ZBTB7B: variants seen among roughly 807,000 people sequenced by gnomAD.
The protein encoded by ZBTB7B is zinc finger and BTB domain-containing protein 7B.
A neutral mutation model predicts 31.0 loss-of-function variants in ZBTB7B; 8 were observed. The ratio of observed to expected loss-of-function variants is 0.26; its 90% CI spans 0.15 to 0.47. The LOEUF (loss-of-function observed/expected upper bound fraction) is 0.47, where lower values mean the gene tolerates loss of function less well. ZBTB7B is among the 20% of genes least tolerant of loss of function. ZBTB7B has a pLI of 0.99. For missense variants in ZBTB7B, 494 were observed against 742.4 expected, an observed-to-expected ratio of 0.67 and a Z score of 3.89; for synonymous variants, 261 against 307.3, an observed-to-expected ratio of 0.85 and a Z score of 1.58.
intron 1 of ZBTB7B, among the ~76,000 whole-genome samples, chr1:155,012,596 G>T (rs2102299565): frequency 6.6e-6 from 1 of 152,112 alleles, no homozygotes; most frequent in South Asian, 2.1e-4. Context: ...GAAGTGGTTT[G>T]CGGACTTACG....
In ZBTB7B at chr1:155,004,064, TG is replaced by T. The variant is rs1196480133; in HGVS notation, c.-7+1127del. Among the ~76,000 whole-genome samples, 4 of 151,584 alleles carry T rather than the reference TG, an allele frequency of 2.6e-5. No individual in the cohort carries two copies. Among genetic ancestry groups the T allele is most frequent in the African/African-American group, 9.7e-5 (4 of 41,300 alleles). ...GACATGGTGAGACCTCGGGGCGCCC[TG>T]GGGGGCAGGGGGGCGGGGAGCCTGG... On this transcript the variant is annotated intron_variant, in intron 1 of 2. Coordinates refer to ENST00000535420, the MANE Select transcript of ZBTB7B (RefSeq NM_001256455.2). The surrounding 1 kb of genome is among the most constrained non-coding windows in gnomAD (Gnocchi z 4.0).
chr1:155,015,891 G>A lies in ZBTB7B; in HGVS notation c.1154+77G>A, dbSNP rs1034065068. 8.5e-6 allele frequency: 13 copies of A among 1,527,826 alleles called. No homozygotes were observed. The South Asian group carries it at 1.5e-4, about 18-fold the overall frequency. The allele number at this position is 1,527,826 out of a possible 1,614,324, so 94.6% of individuals were successfully genotyped here. A position where few individuals can be genotyped will look rare whatever the true frequency, so the allele number is the denominator to read the frequency against. On this transcript the variant is annotated intron_variant, in intron 2 of 2. Coordinates refer to ENST00000535420, the MANE Select transcript of ZBTB7B (RefSeq NM_001256455.2). The stretch of plus-strand genomic sequence containing the variant: ...GTGGGAGGAGATGGGGAAGAAGTTA[G>A]GAGACCCGAGGTGGTGGTAGGTGGT...
At chr1:155,002,336 G>A (rs572280428), upstream of ZBTB7B, among the ~76,000 whole-genome samples, 7 of 150,536 alleles carry the variant, frequency 4.7e-5, no homozygotes, top group South Asian at 2.1e-4. Context: ...GGAGAAAGGG[G>A]GGGGAGAGAG....
chr1:155,016,721 C>A lies in ZBTB7B; in HGVS notation c.*36C>A, dbSNP rs755681195. The A allele has an allele frequency of 8.0e-7, 1 of 1,243,556 alleles. No individual in the cohort carries two copies. The highest frequency in any genetic ancestry group is 2.5e-5 in the East Asian group (1 of 40,236). 77.0% of individuals were successfully genotyped at this position (1,243,556 alleles called of 1,614,324 possible). A position where few individuals can be genotyped will look rare whatever the true frequency, so the allele number is the denominator to read the frequency against. Reference sequence around the variant, plus strand: ...GGGCCAGACTGAAGCAGCACAAGGCCGGGGACACCCATGCCAAGCAGTGGG... The same window carrying A: ...GGGCCAGACTGAAGCAGCACAAGGCAGGGGACACCCATGCCAAGCAGTGGG... On this transcript the variant is annotated 3_prime_UTR_variant, in exon 3 of 3. Coordinates refer to ENST00000535420, the MANE Select transcript of ZBTB7B (RefSeq NM_001256455.2). This position sits in a 1 kb window ranked among gnomAD's most constrained non-coding sequence, Gnocchi z 4.3.
rs542279482 is a variant in ZBTB7B at position 155,004,562 on chromosome 1, AG to A, written c.-7+1621del. On this transcript the variant is annotated intron_variant, in intron 1 of 2. Coordinates refer to ENST00000535420, the MANE Select transcript of ZBTB7B (RefSeq NM_001256455.2). This position sits in a 1 kb window ranked among gnomAD's most constrained non-coding sequence, Gnocchi z 4.0. ...GGAGAGCTGGCATGGAGTGGACATC[AG>A]GTTGGGGAGGAGAGAGTGGGCATAA... 7.2e-4 allele frequency among the ~76,000 whole-genome samples: 110 copies of A among 152,186 alleles called. No homozygotes were observed. Among genetic ancestry groups the A allele is most frequent in the South Asian group, 6.8e-3 (33 of 4,828 alleles).
In ZBTB7B at chr1:155,015,262, G is replaced by C; in HGVS notation, c.602G>C (p.Ser201Thr). ...PPPPRPVARR[S>T]RKPRKAFLQT... ...CCACCTCGGCCTGTTGCCCGCCGCA[G>C]CCGCAAGCCCCGGAAAGCTTTCCTG... The change falls in exon 2 of 3, where the codon AGC (serine) becomes ACC (threonine). Residue 201 changes from serine (S) to threonine (T), a missense_variant. Physicochemically the swap from Ser to Thr is moderately conservative, Grantham distance 58. Around this residue, in one of 5 missense-constraint regions of ZBTB7B, gnomAD observed 216 missense variants for 229.3 expected, o/e 0.94. Transcript: ENST00000535420. The C allele has an allele frequency of 6.2e-7, 1 of 1,613,760 alleles. No individual in the cohort carries two copies. Among genetic ancestry groups the C allele is most frequent in the South Asian group, 1.1e-5 (1 of 91,052 alleles).
At chr1:155,012,143 G>A (rs984432024) in intron 1 of ZBTB7B, among the ~76,000 whole-genome samples, 2 of 152,152 alleles carry the variant, frequency 1.3e-5, no homozygotes, top group Non-Finnish European at 2.9e-5. Context: ...CGTGGTGAAC[G>A]AGCCTGAGCC....
chr1:155,016,149 G>C lies in ZBTB7B; in HGVS notation c.1155-71G>C. The C allele has an allele frequency of 2.0e-6, 3 of 1,505,258 alleles. No individual in the cohort carries two copies. Among genetic ancestry groups the C allele is most frequent in the Non-Finnish European group, 2.7e-6 (3 of 1,098,256 alleles). The allele number at this position is 1,505,258 out of a possible 1,614,324, so 93.2% of individuals were successfully genotyped here. A position where few individuals can be genotyped will look rare whatever the true frequency, so the allele number is the denominator to read the frequency against. ...GGAACAGGGATGGGACAAGGCCAGG[G>C]TGGGATGACCAGGAGGAGCCAGGGA... On this transcript the variant is annotated intron_variant, in intron 2 of 2. Transcript: ENST00000535420. The surrounding 1 kb of genome is among the most constrained non-coding windows in gnomAD (Gnocchi z 4.3).
chr1:155,007,619 G>A (rs781335057), intron 1 of ZBTB7B, among the ~76,000 whole-genome samples: 1 of 152,222 alleles, frequency 6.6e-6, no homozygotes, highest in East Asian at 1.9e-4. Flanking sequence ...TGAGAACAGG[G>A]TCTTAGGCCT....
rs1469893632 is a variant in ZBTB7B, at chr1:155,016,389, G to A, written c.1324G>A (p.Glu442Lys). 6.2e-7 allele frequency: 1 copy of A among 1,614,144 alleles called. No individual in the cohort carries two copies. The highest frequency in any genetic ancestry group is 1.7e-5 in the Admixed American group (1 of 60,028). ...CHLCHKAFAKEDHLQRHLKGQ... is the reference protein window; with the variant it reads ...CHLCHKAFAKKDHLQRHLKGQ... ...CCTGTGCCACAAGGCTTTCGCCAAG[G>A]AGGACCACCTGCAGCGCCACCTCAA... is the stretch of plus-strand genomic sequence containing the variant. The change falls in exon 3 of 3, where the codon GAG becomes AAG. Residue 442 changes from glutamate (E) to lysine (K), a missense_variant. By Grantham distance (56) the Glu-to-Lys change is moderately conservative. Coordinates refer to ENST00000535420, the MANE Select transcript of ZBTB7B (RefSeq NM_001256455.2). The surrounding 1 kb of genome is among the most constrained non-coding windows in gnomAD (Gnocchi z 4.3).
rs760129436 is a variant in ZBTB7B, at chr1:155,014,984, A to G, written c.324A>G (p.Thr108=). The part of the protein sequence containing the change: ...ALGALLEFAY[T]ATLTTSSANM... The stretch of plus-strand genomic sequence containing the variant: ...GCGCCCTCCTTGAATTTGCCTATAC[A>G]GCCACACTGACCACCAGCAGCGCCA... Residue 108 remains threonine, a synonymous_variant, in exon 2 of 3, where the codon ACA becomes ACG. Transcript: ENST00000535420. 6.8e-6 allele frequency: 11 copies of G among 1,613,844 alleles called. No individual in the cohort carries two copies. The South Asian group carries it at 1.2e-4, about 18-fold the overall frequency.
chr1:155,014,581 G>A (rs553675325), intron 1 of ZBTB7B, 74 bp from the exon 2 acceptor site: 1 of 1,401,334 alleles, frequency 7.1e-7, no homozygotes, highest in Admixed American at 2.1e-5. Flanking sequence ...ATAAGTATTG[G>A]CTAAAGTTGG....
chr1:155,012,423 C>T (rs562331166), intron 1 of ZBTB7B, among the ~76,000 whole-genome samples: 7 of 152,212 alleles, frequency 4.6e-5, no homozygotes, highest in Admixed American at 1.3e-4. Context: ...TAAGTAGCTG[C>T]AGCCACTGTT....
Position 155,015,308 on chromosome 1 carries a change from A to T in ZBTB7B, c.648A>T (p.Ala216=). Residue 216 remains alanine, a synonymous_variant, in exon 2 of 3, where the codon GCA becomes GCT. Transcript: ENST00000535420. ...TCCTGCAAACCAAGGGGGCCAGAGC[A>T]AACCACCTAGTCCCTGAGGTGCCCA... The part of the protein sequence containing the change: ...KAFLQTKGAR[A]NHLVPEVPTV... 1 of 1,610,956 alleles carries T rather than the reference A, an allele frequency of 6.2e-7. No homozygotes were observed. The highest frequency in any genetic ancestry group is 8.5e-7 in the Non-Finnish European group (1 of 1,178,068).
chr1:155,005,494 A>T (rs1050857765), intron 1 of ZBTB7B, among the ~76,000 whole-genome samples: 1 of 152,086 alleles, frequency 6.6e-6, no homozygotes, highest in Non-Finnish European at 1.5e-5. Context: ...TGGCTGAGAG[A>T]CCCAATTCTT....
At chr1:155,005,309 G>A (rs1658497055) in intron 1 of ZBTB7B, among the ~76,000 whole-genome samples, 1 of 152,152 alleles carries the variant, frequency 6.6e-6, no homozygotes, top group African/African-American at 2.4e-5. Context: ...AGGTCAGATA[G>A]GGTGCCAGCC....
chr1:155,018,396 A>G lies in ZBTB7B; in HGVS notation c.*1711A>G. 1 of 780,426 alleles carries G rather than the reference A, an allele frequency of 1.3e-6. No homozygotes were observed. Among genetic ancestry groups the G allele is most frequent in the Non-Finnish European group, 2.0e-6 (1 of 500,216 alleles). The allele number at this position is 780,426 out of a possible 1,614,324, so 48.3% of individuals were successfully genotyped here. The stretch of plus-strand genomic sequence containing the variant: ...GGACAATGTGGCCTCCCTTCTCCCT[A>G]CTTTCGGCTTTCCCAGTCAGTGCCT... On this transcript the variant is annotated 3_prime_UTR_variant, in exon 3 of 3. Transcript: ENST00000535420.
In ZBTB7B at chr1:155,015,281, T is replaced by C; in HGVS notation, c.621T>C (p.Ala207=). 6 of 1,613,360 alleles carry C rather than the reference T, an allele frequency of 3.7e-6. No individual in the cohort carries two copies. Among genetic ancestry groups the C allele is most frequent in the Non-Finnish European group, 5.1e-6 (6 of 1,179,698 alleles). ...VARRSRKPRK[A]FLQTKGARAN... ...GCCGCAGCCGCAAGCCCCGGAAAGC[T>C]TTCCTGCAAACCAAGGGGGCCAGAG... Residue 207 remains alanine (A), a synonymous_variant, in exon 2 of 3, where the codon GCT becomes GCC. Transcript: ENST00000535420.
In ZBTB7B at chr1:155,017,663, C is replaced by T. The variant is rs567697422; in HGVS notation, c.*978C>T. 6.6e-6 allele frequency: 1 copy of T among 152,526 alleles called. No homozygotes were observed. The highest frequency in any genetic ancestry group is 2.4e-5 in the African/African-American group (1 of 41,580). The allele number at this position is 152,526 out of a possible 1,614,324, so 9.4% of individuals were successfully genotyped here. ...TTGTGGAGAGCGGGCGAGCCGGCGC[C>T]ATCTGGCGGCCATGCTCTGAGTGGG... On this transcript the variant is annotated 3_prime_UTR_variant, in exon 3 of 3. Coordinates refer to ENST00000535420, the MANE Select transcript of ZBTB7B (RefSeq NM_001256455.2).
Sources: gnomAD v4.1 joint callset for allele counts (sites outside exome capture counted in the v4.1 genomes callset) on GRCh38, gnomAD v4.1.1 for gene constraint, gnomAD v4.1.1 regional missense constraint, Gnocchi (gnomAD v3.1) non-coding constraint, MANE v1.5 for transcripts, NCBI Gene and HGNC (gene_info 2026-07-23, HGNC 2026-07-21) for gene names.